The following BEND7 variants were observed in gnomAD, a reference collection of about 807,000 sequenced individuals.
The protein encoded by BEND7 is BEN domain containing 7.
Under a neutral mutation model 50.9 loss-of-function variants are expected in BEND7, and 28 were observed. The ratio of observed to expected loss-of-function variants is 0.55; its 90% confidence interval spans 0.41 to 0.75. The LOEUF (loss-of-function observed/expected upper bound fraction) is 0.75. Ranked by LOEUF, BEND7 falls within the 30% of genes least tolerant of loss-of-function variation. BEND7 has a pLI of 0.00. For missense variants in BEND7, 477 were observed against 491.3 expected, an observed-to-expected ratio of 0.97 and a Z score of 0.28; for synonymous variants, 170 against 183.9, an observed-to-expected ratio of 0.92 and a Z score of 0.61.
At chr10:13,509,069 T>C (rs1288802559) in intron 2 of BEND7, among the ~76,000 whole-genome samples, 1 of 151,950 alleles carries the variant, frequency 6.6e-6, no homozygotes, top group Non-Finnish European at 1.5e-5. Flanking sequence ...AGCAAAGAAA[T>C]ACCAGGAAAT....
At chr10:13,458,907 G>A in intron 6 of BEND7, among the ~76,000 whole-genome samples, 1 of 152,178 alleles carries the variant, frequency 6.6e-6, no homozygotes, top group Admixed American at 6.5e-5. Flanking sequence ...CTCCCCATGT[G>A]CGAGGCAGTT....
Position 13,499,848 on chromosome 10 carries a change from C to G in BEND7, c.378G>C (p.Gln126His). ...VWNELPPQSG[Q>H]FSGQYGTRSR... ...AACGGGTGCCATACTGCCCTGAGAA[C>G]TGTCCACTCTGGGGCGGTAGCTCAT... Residue 126 changes from glutamine to histidine, a missense_variant, in exon 3 of 9, where the codon CAG becomes CAC. By Grantham distance (24) the Gln-to-His change is conservative (BLOSUM62 0). Transcript: ENST00000466271. The G allele has an allele frequency of 6.2e-7, 1 of 1,614,184 alleles. No individual in the cohort carries two copies. The highest frequency in any genetic ancestry group is 1.3e-5 in the African/African-American group (1 of 75,072).
chr10:13,490,375 C>T (rs903190948), intron 5 of BEND7, among the ~76,000 whole-genome samples: 20 of 152,334 alleles, frequency 1.3e-4, no homozygotes, highest in African/African-American at 4.6e-4. Flanking sequence ...GCCTGCACTG[C>T]TCTTGCTCTC....
At chr10:13,447,912 C>T (rs746691352) in intron 7 of BEND7, among the ~76,000 whole-genome samples, 4 of 152,028 alleles carry the variant, frequency 2.6e-5, no homozygotes, top group East Asian at 1.9e-4. Flanking sequence ...ATAGGGTCAT[C>T]GCGGGGATGT....
chr10:13,457,985 G>A (rs1839368999), intron 6 of BEND7, among the ~76,000 whole-genome samples: 1 of 152,122 alleles, frequency 6.6e-6, no homozygotes, highest in African/African-American at 2.4e-5. Context: ...ACTTTTAAAC[G>A]AGCCCAGATA....
At chr10:13,480,871 C>A (rs771334399) in intron 6 of BEND7, 28 bp downstream of exon 6, 1 of 1,612,078 alleles carries the variant, frequency 6.2e-7, no homozygotes. Flanking sequence ...CAACGAAGAA[C>A]CCACAAAATG....
At chr10:13,471,863 A>G (rs572915639) in intron 6 of BEND7, among the ~76,000 whole-genome samples, 1 of 152,212 alleles carries the variant, frequency 6.6e-6, no homozygotes, top group Non-Finnish European at 1.5e-5. Flanking sequence ...CATCATCGCT[A>G]TTAGAATTGG....
At chr10:13,481,551 T>C (rs1214711318) in intron 5 of BEND7, among the ~76,000 whole-genome samples, 1 of 152,230 alleles carries the variant, frequency 6.6e-6, no homozygotes, top group African/African-American at 2.4e-5. Context: ...CACTTTCTCA[T>C]ACACTAAATA....
At chr10:13,473,179 T>C (rs369442183) in intron 6 of BEND7, among the ~76,000 whole-genome samples, 1 of 150,290 alleles carries the variant, frequency 6.7e-6, no homozygotes, top group African/African-American at 2.5e-5. Flanking sequence ...AGGACCAATA[T>C]CATCATCGCT....
intron 7 of BEND7, among the ~76,000 whole-genome samples, chr10:13,451,768 C>G: frequency 8.6e-6 from 1 of 115,894 alleles, no homozygotes; most frequent in East Asian, 3.2e-4. Flanking sequence ...CCTCCCCCCA[C>G]CCCACAACAG....
intron 2 of BEND7, among the ~76,000 whole-genome samples, chr10:13,522,343 G>T (rs1169509988): frequency 6.6e-6 from 1 of 152,194 alleles, no homozygotes; most frequent in African/African-American, 2.4e-5. Flanking sequence ...ATGAGCCTTG[G>T]CTTTGCCTGG....
In BEND7 at chr10:13,492,602, G is replaced by C. The variant is rs765375578; in HGVS notation, c.837+9C>G. On this transcript the variant is annotated intron_variant, in intron 5 of 8. Transcript: ENST00000466271. The stretch of plus-strand genomic sequence containing the variant: ...CATTAGAGTCAGCAGCCAGAAAATG[G>C]CAACTTACATCTGAGGAAGGTGATT... 186 of 1,612,780 alleles carry C rather than the reference G, an allele frequency of 1.2e-4. No homozygotes were observed. The highest frequency in any genetic ancestry group is 1.5e-4 in the Non-Finnish European group (176 of 1,179,762).
intron 8 of BEND7, chr10:13,442,510 A>T (rs929403929): frequency 2.0e-5 from 3 of 152,260 alleles, no homozygotes; most frequent in Non-Finnish European, 2.9e-5. Context: ...TCATGGCAAG[A>T]TATCTTTTTA....
chr10:13,474,846 C>T (rs1018905577), intron 6 of BEND7, among the ~76,000 whole-genome samples: 1 of 152,244 alleles, frequency 6.6e-6, no homozygotes, highest in African/African-American at 2.4e-5. Context: ...TGCTGTTAAA[C>T]TCAGGTTGAT....
chr10:13,524,891 C>T (rs994312611), intron 2 of BEND7, among the ~76,000 whole-genome samples: 2 of 152,104 alleles, frequency 1.3e-5, no homozygotes, highest in African/African-American at 4.8e-5. Flanking sequence ...ACATTTCCCT[C>T]CTATTTTTCC....
At chr10:13,523,253 C>T (rs2079199635) in intron 2 of BEND7, among the ~76,000 whole-genome samples, 2 of 152,302 alleles carry the variant, frequency 1.3e-5, no homozygotes, top group East Asian at 1.9e-4. Context: ...AAGTCAATGT[C>T]CACAGGGTAA....
At chr10:13,453,799 C>T (rs1204127435) in intron 6 of BEND7, among the ~76,000 whole-genome samples, 1 of 152,184 alleles carries the variant, frequency 6.6e-6, no homozygotes, top group African/African-American at 2.4e-5. Context: ...TTGGCACATT[C>T]ACACATTACT....
At chr10:13,467,708 T>C (rs2185407) in intron 6 of BEND7, among the ~76,000 whole-genome samples, 111,356 of 152,124 alleles carry the variant, frequency 0.73, 41,297 homozygotes, top group East Asian at 0.88. Flanking sequence ...CAACTTGTCA[T>C]GGAGAAGTTG....
chr10:13,449,019 T>G (rs1020207663), intron 7 of BEND7, among the ~76,000 whole-genome samples: 2 of 144,782 alleles, frequency 1.4e-5, no homozygotes. Context: ...TTTAACAACA[T>G]AAAAATATTC....
Sources: allele counts gnomAD v4.1 joint callset (sites outside exome capture counted in the v4.1 genomes callset), GRCh38; gene constraint gnomAD v4.1.1; transcripts MANE v1.5; gene names NCBI Gene and HGNC (gene_info 2026-07-23, HGNC 2026-07-21).